The following ENOX1 variants were observed in gnomAD, a reference collection of about 807,000 sequenced individuals.
ENOX1 encodes the protein ecto-NOX disulfide-thiol exchanger 1, also known as candidate growth-related and time keeping constitutive hydroquinone (NADH) oxidase.
A neutral mutation model predicts 82.5 loss-of-function variants in ENOX1; 42 were observed. The observed-to-expected ratio is 0.51, with a 90% confidence interval of 0.40 to 0.66. The LOEUF is 0.66. Ranked by LOEUF, ENOX1 falls within the 30% of genes least tolerant of loss-of-function variation. The pLI is 0.00. For synonymous variants in ENOX1, 271 were observed against 282.2 expected, an observed-to-expected ratio of 0.96 and a Z score of 0.40; for missense variants, 608 against 811.6, an observed-to-expected ratio of 0.75 and a Z score of 3.05.
chr13:43,683,549 T>A (rs1465133976), intron 1 of ENOX1, among the ~76,000 whole-genome samples: 1 of 152,070 alleles, frequency 6.6e-6, no homozygotes, highest in Non-Finnish European at 1.5e-5. Context: ...TTTCTTTTCA[T>A]CCCAAGATGA....
intron 1 of ENOX1, among the ~76,000 whole-genome samples, chr13:43,683,797 G>C (rs1466646300): frequency 1.3e-5 from 2 of 152,078 alleles, no homozygotes; most frequent in Non-Finnish European, 2.9e-5. Context: ...TCCTGGTAGA[G>C]GGGTGGTTAT....
At position 43,733,970 on chromosome 13, in the gene ENOX1, CA is replaced by C. The variant is rs572662625; in HGVS notation, c.-285+52681del. Among the ~76,000 whole-genome samples, 75 of 151,688 alleles carry C rather than the reference CA, an allele frequency of 4.9e-4. 1 individual carries two copies. In the East Asian group the frequency reaches 0.014, roughly 29 times the overall value. ...TGAGACCCTGCTCCTGCCCCCCAACCAAAAAAAGAAAAGAAAAGAAAGAAGA... is the reference window on the plus strand; with the variant it reads ...TGAGACCCTGCTCCTGCCCCCCAACCAAAAAAGAAAAGAAAAGAAAGAAGA... On this transcript the variant is annotated intron_variant, in intron 1 of 16. Transcript: ENST00000690772.
At chr13:43,343,571 G>A (rs1043459894) in intron 9 of ENOX1, among the ~76,000 whole-genome samples, 3 of 152,106 alleles carry the variant, frequency 2.0e-5, no homozygotes, top group Admixed American at 1.3e-4. Flanking sequence ...TCTCAGTTTT[G>A]CCCTCTCTTC....
At chr13:43,527,597 T>A (rs2153686244) in intron 2 of ENOX1, among the ~76,000 whole-genome samples, 1 of 152,224 alleles carries the variant, frequency 6.6e-6, no homozygotes, top group East Asian at 1.9e-4. Flanking sequence ...TGAGAAGAAA[T>A]CTAAAAATAA....
At chr13:43,256,424 C>T (rs1224737032) in intron 14 of ENOX1, among the ~76,000 whole-genome samples, 1 of 151,820 alleles carries the variant, frequency 6.6e-6, no homozygotes, top group African/African-American at 2.4e-5. Flanking sequence ...GATTAAGAAC[C>T]GTAATATAAG....
intron 2 of ENOX1, among the ~76,000 whole-genome samples, chr13:43,639,734 T>C (rs546426778): frequency 6.6e-6 from 1 of 152,254 alleles, no homozygotes; most frequent in East Asian, 1.9e-4. Context: ...ATTTTAACAA[T>C]AAATAAAAAT....
chr13:43,473,900 C>T (rs997159454), intron 3 of ENOX1, among the ~76,000 whole-genome samples: 21 of 151,986 alleles, frequency 1.4e-4, no homozygotes, highest in African/African-American at 4.4e-4. Context: ...TAACTGTTAA[C>T]GGGAAATAAA....
chr13:43,723,772 T>TACACACAC (rs147314757), intron 1 of ENOX1, among the ~76,000 whole-genome samples: 1 of 149,200 alleles, frequency 6.7e-6, no homozygotes, highest in African/African-American at 2.5e-5. Flanking sequence ...TGCCTGAATC[T>TACACACAC]ACACACACAC....
intron 3 of ENOX1, among the ~76,000 whole-genome samples, chr13:43,420,407 C>T (rs2054903724): frequency 6.6e-6 from 1 of 152,134 alleles, no homozygotes; most frequent in Admixed American, 6.5e-5. Flanking sequence ...TTTTCATATA[C>T]AAAAGCAGTT....
At chr13:43,748,386 T>C (rs1186564672) in intron 1 of ENOX1, among the ~76,000 whole-genome samples, 1 of 152,202 alleles carries the variant, frequency 6.6e-6, no homozygotes, top group East Asian at 1.9e-4. Context: ...AAACATTACT[T>C]GAGAATCTGC....
In ENOX1 at chr13:43,298,494, T is replaced by G; in HGVS notation, c.1298A>C (p.Asn433Thr). The part of the protein sequence containing the change: ...AAQAYALKEE[N>T]DSLRWQLDAY... The stretch of plus-strand genomic sequence containing the variant: ...ATCCAGCTGCCAGCGGAGACTGTCA[T>G]TCTCCTCTTTCAGAGCGTAGGCCTG... The change falls in exon 12 of 17, where the codon AAT becomes ACT. Residue 433 changes from asparagine to threonine, a missense_variant. Transcript: ENST00000690772. 1 of 1,613,854 alleles carries G rather than the reference T, an allele frequency of 6.2e-7. No homozygotes were observed. Among genetic ancestry groups the G allele is most frequent in the South Asian group, 1.1e-5 (1 of 91,016 alleles).
chr13:43,506,824 C>G (rs9634776), intron 2 of ENOX1, among the ~76,000 whole-genome samples: 9 of 143,788 alleles, frequency 6.3e-5, no homozygotes, highest in Admixed American at 2.8e-4. Context: ...CATCACACAA[C>G]GGGGAATGTT....
intron 3 of ENOX1, among the ~76,000 whole-genome samples, chr13:43,469,850 C>T (rs1195616664): frequency 1.3e-5 from 2 of 151,732 alleles, no homozygotes; most frequent in African/African-American, 4.8e-5. Flanking sequence ...AGATGGAAGG[C>T]TTATACCATC....
At chr13:43,227,803 T>C (rs1211395516) in intron 15 of ENOX1, among the ~76,000 whole-genome samples, 1 of 152,148 alleles carries the variant, frequency 6.6e-6, no homozygotes, top group Non-Finnish European at 1.5e-5. Context: ...CCACTAGATA[T>C]ATGTAGGGCC....
chr13:43,698,119 T>C (rs2086729586), intron 1 of ENOX1, among the ~76,000 whole-genome samples: 1 of 151,476 alleles, frequency 6.6e-6, no homozygotes, highest in African/African-American at 2.4e-5. Flanking sequence ...AATGAAGGAG[T>C]GGACTCAAAA....
At chr13:43,245,800 A>G (rs1280110241) in intron 14 of ENOX1, among the ~76,000 whole-genome samples, 1 of 152,216 alleles carries the variant, frequency 6.6e-6, no homozygotes, top group Non-Finnish European at 1.5e-5. Flanking sequence ...AGATGCAGTG[A>G]TTCATCATGA....
At chr13:43,345,237 A>G (rs1210038578) in intron 8 of ENOX1, among the ~76,000 whole-genome samples, 1 of 152,256 alleles carries the variant, frequency 6.6e-6, no homozygotes, top group Admixed American at 6.5e-5. Context: ...AAGTGTTTGT[A>G]ATGTATGGTA....
intron 3 of ENOX1, among the ~76,000 whole-genome samples, chr13:43,432,988 A>G (rs549477549): frequency 6.6e-6 from 1 of 151,128 alleles, no homozygotes; most frequent in South Asian, 2.1e-4. Flanking sequence ...AATTGTAACA[A>G]CTCTGAGGGG....
chr13:43,229,062 G>A (rs1424441305), intron 15 of ENOX1, among the ~76,000 whole-genome samples: 2 of 152,198 alleles, frequency 1.3e-5, no homozygotes, highest in African/African-American at 4.8e-5. Context: ...TCCCCATACT[G>A]TTCTCATGCT....
Sources: allele counts gnomAD v4.1 joint callset (sites outside exome capture counted in the v4.1 genomes callset), GRCh38; gene constraint gnomAD v4.1.1; transcripts MANE v1.5; gene names NCBI Gene and HGNC (gene_info 2026-07-23, HGNC 2026-07-21).